Variants in MBNL3 observed in about 807,000 individuals in gnomAD.
The protein encoded by MBNL3 is muscleblind like splicing regulator 3.
A neutral mutation model predicts 24.5 loss-of-function variants in MBNL3; 6 were observed. The ratio of observed to expected loss-of-function variants is 0.25; its 90% CI spans 0.13 to 0.48. The LOEUF is 0.48. MBNL3 is among the 20% of genes least tolerant of loss of function. The probability of loss-of-function intolerance (pLI) is 0.99; values close to 1 mark genes in which losing one functional copy is unlikely to be tolerated. For missense variants in MBNL3, 230 were observed against 293.5 expected (o/e 0.78, Z 1.58); for synonymous variants, 100 against 101.7 (o/e 0.98, Z 0.10).
chrX:132,473,631 CA>C (rs947887103), intron 1 of MBNL3, among the ~76,000 whole-genome samples: 97 of 109,896 alleles, frequency 8.8e-4, no homozygotes, highest in African/African-American at 1.3e-3. Context: ...CACACGCACA[CA>C]AAAAAAACCC....
intron 3 of MBNL3, among the ~76,000 whole-genome samples, chrX:132,396,533 C>CCT (rs1569424197): frequency 0.023 from 1,319 of 56,425 alleles, 258 homozygotes; most frequent in African/African-American, 0.11. Context: ...TATATATATT[C>CCT]ATATATATAT....
intron 1 of MBNL3, among the ~76,000 whole-genome samples, chrX:132,486,560 C>T (rs1421668604): frequency 8.9e-6 from 1 of 112,348 alleles, no homozygotes; most frequent in Non-Finnish European, 1.9e-5. Flanking sequence ...ATGCAGACAA[C>T]TAGGGGAATG....
At position 132,392,148 on chromosome X, in the gene MBNL3, G is replaced by C; in HGVS notation, c.529C>G (p.Leu177Val). 8.3e-7 allele frequency: 1 copy of C among 1,199,742 alleles called. No homozygotes were observed. The highest frequency in any genetic ancestry group is 1.1e-6 in the Non-Finnish European group (1 of 889,543). Reference protein sequence around the residue: ...VGPKLMRSDKLEVCREFQRGN... With the variant: ...VGPKLMRSDKVEVCREFQRGN... Reference sequence around the variant, plus strand: ...ATATATATGTTCACAAATACCTCCAGTTTATCTGAACGCATCAGTTTTGGG... The same window carrying C: ...ATATATATGTTCACAAATACCTCCACTTTATCTGAACGCATCAGTTTTGGG... Residue 177 changes from leucine to valine, a missense_variant, in exon 4 of 9, where the codon CTG becomes GTG. Physicochemically the swap from Leu to Val is conservative, Grantham distance 32. Transcript: ENST00000370853.
chrX:132,478,232 C>A (rs1356196780), intron 1 of MBNL3, among the ~76,000 whole-genome samples: 1 of 111,379 alleles, frequency 9.0e-6, no homozygotes, highest in African/African-American at 3.3e-5. Flanking sequence ...CCGTTTTTGG[C>A]TTTTGTTCCC....
chrX:132,445,451 T>A (rs1053976620), intron 1 of MBNL3, among the ~76,000 whole-genome samples: 2 of 111,039 alleles, frequency 1.8e-5, no homozygotes, highest in African/African-American at 3.3e-5. Context: ...AAAAAAAAAA[T>A]TGTCGTAAAA....
Position 132,439,636 on chromosome X carries a change from T to G in MBNL3, c.-25A>C. The G allele has an allele frequency of 8.5e-7, 1 of 1,179,363 alleles. No individual in the cohort carries two copies. The highest frequency in any genetic ancestry group is 1.1e-6 in the Non-Finnish European group (1 of 878,959). Reference sequence around the variant, plus strand: ...TATTGAAAGCAAAATTAAAATCCAATGTACCCTCTTTAGGACAATATTACT... The same window carrying G: ...TATTGAAAGCAAAATTAAAATCCAAGGTACCCTCTTTAGGACAATATTACT... On this transcript the variant is annotated 5_prime_UTR_variant, in exon 2 of 9. Coordinates refer to ENST00000370853, the MANE Select transcript of MBNL3 (RefSeq NM_001386889.1).
At chrX:132,428,090 A>G (rs1262270614) in intron 2 of MBNL3, among the ~76,000 whole-genome samples, 1 of 111,695 alleles carries the variant, frequency 9.0e-6, no homozygotes, top group Non-Finnish European at 1.9e-5. Context: ...TATGATATAC[A>G]AAAATCCAAT....
At chrX:132,426,561 A>G (rs1490515400) in intron 2 of MBNL3, among the ~76,000 whole-genome samples, 3 of 111,021 alleles carry the variant, frequency 2.7e-5, no homozygotes, top group Non-Finnish European at 5.7e-5. Flanking sequence ...CAACTCCCCA[A>G]ACATATCACA....
intron 1 of MBNL3, among the ~76,000 whole-genome samples, chrX:132,485,265 C>T (rs901231352): frequency 9.9e-5 from 11 of 111,361 alleles, no homozygotes; most frequent in African/African-American, 3.6e-4. Flanking sequence ...CACTCATGTA[C>T]GTGTGTGTTT....
chrX:132,437,972 T>G (rs2061231344), intron 2 of MBNL3: 1 of 522,869 alleles, frequency 1.9e-6, no homozygotes, highest in Non-Finnish European at 2.3e-6. Flanking sequence ...AACAAAAAAC[T>G]AGTAATCACG....
chrX:132,477,843 C>T lies in MBNL3; in HGVS notation c.-704+11008G>A, dbSNP rs1318776987. 6.3e-5 allele frequency among the ~76,000 whole-genome samples: 7 copies of T among 111,651 alleles called. No individual in the cohort carries two copies. The Admixed American group carries it at 6.7e-4, about 11-fold the overall frequency. ...TCTTCTTTATTTCTGTAATCTTTCC[C>T]ATTAATATTTTAGGTATATTTAACA... On this transcript the variant is annotated intron_variant, in intron 1 of 8. Transcript: ENST00000370853.
intron 2 of MBNL3, among the ~76,000 whole-genome samples, chrX:132,410,626 G>C (rs1297375144): frequency 3.6e-5 from 4 of 112,650 alleles, no homozygotes; most frequent in Non-Finnish European, 7.5e-5. Flanking sequence ...GAGATGATTT[G>C]TTCTATGAAG....
intron 2 of MBNL3, among the ~76,000 whole-genome samples, chrX:132,429,212 T>A (rs1944544155): frequency 8.9e-6 from 1 of 112,676 alleles, no homozygotes; most frequent in Non-Finnish European, 1.9e-5. Context: ...ACTTGACCCA[T>A]AATAAGGCTG....
intron 1 of MBNL3, among the ~76,000 whole-genome samples, chrX:132,447,113 A>G (rs1945767865): frequency 9.0e-6 from 1 of 111,171 alleles, no homozygotes; most frequent in African/African-American, 3.3e-5. Flanking sequence ...ATTGGTCTAT[A>G]TATTTGTTTT....
chrX:132,489,637 G>T (rs1245157979), upstream of MBNL3, among the ~76,000 whole-genome samples: 1 of 111,620 alleles, frequency 9.0e-6, no homozygotes, highest in Non-Finnish European at 1.9e-5. Context: ...GACGCGGCAC[G>T]CGGAGGGAAA....
At chrX:132,444,532 T>C (rs1945590540) in intron 1 of MBNL3, among the ~76,000 whole-genome samples, 1 of 111,699 alleles carries the variant, frequency 9.0e-6, no homozygotes, top group Non-Finnish European at 1.9e-5. Context: ...AGTATGTTCA[T>C]CTTTGGAATG....
Position 132,406,299 on chromosome X carries a change from G to A in MBNL3, c.271C>T (p.Gln91Ter). The A allele has an allele frequency of 8.3e-7, 1 of 1,211,760 alleles. No homozygotes were observed. Among genetic ancestry groups the A allele is most frequent in the Non-Finnish European group, 1.1e-6 (1 of 895,377 alleles). The part of the protein sequence containing the change: ...EINGRNNLIQ[Q>*]KTAAAMFAQQ... ...GCGAACATGGCTGCGGCAGTCTTCT[G>A]TTGAATCAGATTGTTCCGCCCATTA... Residue 91 changes from glutamine (Q) to a stop codon, truncating the protein, a stop_gained, in exon 3 of 9, where the codon CAG (glutamine) becomes TAG (stop). Coordinates refer to ENST00000370853, the MANE Select transcript of MBNL3 (RefSeq NM_001386889.1). LOFTEE classifies it high-confidence loss of function.
chrX:132,424,999 T>C (rs762848135), intron 2 of MBNL3, among the ~76,000 whole-genome samples: 1 of 112,311 alleles, frequency 8.9e-6, no homozygotes, highest in Non-Finnish European at 1.9e-5. Context: ...GGTTCTGTTT[T>C]ATCTGTCAGT....
intron 1 of MBNL3, among the ~76,000 whole-genome samples, chrX:132,445,142 T>C (rs1210195824): frequency 1.8e-5 from 2 of 111,998 alleles, no homozygotes; most frequent in Non-Finnish European, 3.8e-5. Context: ...GAAAACAATG[T>C]TTTCTTTGTT....
Sources: gnomAD v4.1 joint callset for allele counts (sites outside exome capture counted in the v4.1 genomes callset) on GRCh38, gnomAD v4.1.1 for gene constraint, MANE v1.5 for transcripts, NCBI Gene and HGNC (gene_info 2026-07-23, HGNC 2026-07-21) for gene names.